Variants in ADGRA1 observed in about 807,000 individuals in gnomAD.
ADGRA1 encodes the protein G-protein coupled receptor 123.
Under a neutral mutation model 21.3 loss-of-function variants are expected in ADGRA1, and 12 were observed. That is an observed-to-expected ratio of 0.56 (90% CI 0.36 to 0.91). ADGRA1 has a LOEUF of 0.91. Among genes scored for constraint, ADGRA1 ranks in the 40% least tolerant of loss-of-function variants. The probability of loss-of-function intolerance (pLI) is 0.01; values close to 1 mark genes in which losing one functional copy is unlikely to be tolerated. For missense variants in ADGRA1, 790 were observed against 805.6 expected (o/e 0.98, Z 0.23); for synonymous variants, 385 against 368.8 (o/e 1.04, Z -0.50).
intron 2 of ADGRA1, chr10:133,093,262 A>C (rs781314130): frequency 1.9e-6 from 3 of 1,577,880 alleles, no homozygotes; most frequent in Non-Finnish European, 2.6e-6. Flanking sequence ...CAGAAAGGTT[A>C]AGTTTTGATC....
chr10:133,093,965 A>C (rs187091625), intron 2 of ADGRA1, among the ~76,000 whole-genome samples: 1 of 152,416 alleles, frequency 6.6e-6, no homozygotes, highest in Admixed American at 6.5e-5. Flanking sequence ...TTTGGAGACA[A>C]GAAAAAGAAA....
intron 5 of ADGRA1, among the ~76,000 whole-genome samples, chr10:133,113,373 C>T (rs979177138): frequency 3.0e-4 from 46 of 152,370 alleles, no homozygotes; most frequent in East Asian, 3.9e-4. Context: ...TCACCTGCCT[C>T]GCAGCCTCCC....
chr10:133,103,357 C>A (rs1471121833), intron 5 of ADGRA1, among the ~76,000 whole-genome samples: 1 of 152,216 alleles, frequency 6.6e-6, no homozygotes, highest in Non-Finnish European at 1.5e-5. Context: ...TGGAAAACCT[C>A]ACACACTCAG....
intron 2 of ADGRA1, among the ~76,000 whole-genome samples, chr10:133,091,135 T>C (rs1186614261): frequency 1.3e-5 from 2 of 152,234 alleles, no homozygotes; most frequent in Non-Finnish European, 2.9e-5. Context: ...CTTCGCACCC[T>C]GTAACTTGCA....
In ADGRA1 at chr10:133,130,733, A is replaced by C. The variant is rs113648316; in HGVS notation, c.*1222A>C. The C allele has an allele frequency of 6.7e-6, 1 of 149,682 alleles. No homozygotes were observed. Among genetic ancestry groups the C allele is most frequent in the African/African-American group, 2.5e-5 (1 of 40,396 alleles). The allele number at this position is 149,682 out of a possible 1,614,324, so 9.3% of individuals were successfully genotyped here. Reference sequence around the variant, plus strand: ...CATATCACACACGCGCACACACCCAAACACGTGCATATCACACACATGCAC... The same window carrying C: ...CATATCACACACGCGCACACACCCACACACGTGCATATCACACACATGCAC... On this transcript the variant is annotated 3_prime_UTR_variant, in exon 7 of 7. Coordinates refer to ENST00000392607, the MANE Select transcript of ADGRA1 (RefSeq NM_001083909.3).
intron 5 of ADGRA1, 51 bp from the exon 6 acceptor site, chr10:133,127,182 G>A (rs367825198): frequency 2.1e-5 from 26 of 1,244,096 alleles, no homozygotes; most frequent in Non-Finnish European, 2.7e-5. Context: ...CGCTGACCCC[G>A]GAGGATGCAG....
chr10:133,122,133 G>A (rs1170191628), intron 5 of ADGRA1, among the ~76,000 whole-genome samples: 1 of 152,260 alleles, frequency 6.6e-6, no homozygotes, highest in Non-Finnish European at 1.5e-5. Flanking sequence ...GCGCAGCATG[G>A]AGGCAGAGGC....
rs1449355058 is a variant in ADGRA1 at position 133,088,841 on chromosome 10, G to T, written c.-69G>T. On this transcript the variant is annotated 5_prime_UTR_variant, in exon 2 of 7. Coordinates refer to ENST00000392607, the MANE Select transcript of ADGRA1 (RefSeq NM_001083909.3). Reference sequence around the variant, plus strand: ...CATGGAGGCTGGCGGGGAGCAGGGCGCCACCTGATCGCCTCCCCCTGGACG... The same window carrying T: ...CATGGAGGCTGGCGGGGAGCAGGGCTCCACCTGATCGCCTCCCCCTGGACG... 5 of 1,236,176 alleles carry T rather than the reference G, an allele frequency of 4.0e-6. No homozygotes were observed. In the East Asian group the frequency reaches 9.5e-5, roughly 23 times the overall value. 76.6% of individuals were successfully genotyped at this position (1,236,176 alleles called of 1,614,324 possible). A position where few individuals can be genotyped will look rare whatever the true frequency, so the allele number is the denominator to read the frequency against.
rs1852488469 is a variant in ADGRA1, at chr10:133,130,158, C to G, written c.*647C>G. ...GCACACCTCTGCCCACTCAGTGTGCCCTGTCAGCCCTGTCCTTGTCGTAGC... is the reference window on the plus strand; with the variant it reads ...GCACACCTCTGCCCACTCAGTGTGCGCTGTCAGCCCTGTCCTTGTCGTAGC... On this transcript the variant is annotated 3_prime_UTR_variant, in exon 7 of 7. Transcript: ENST00000392607. 6.6e-6 allele frequency: 1 copy of G among 152,510 alleles called. No individual in the cohort carries two copies. Among genetic ancestry groups the G allele is most frequent in the Non-Finnish European group, 1.5e-5 (1 of 68,280 alleles). 9.4% of individuals were successfully genotyped at this position (152,510 alleles called of 1,614,324 possible).
intron 4 of ADGRA1, among the ~76,000 whole-genome samples, chr10:133,101,043 C>A (rs1851783818): frequency 6.6e-6 from 1 of 152,228 alleles, no homozygotes; most frequent in Admixed American, 6.5e-5. Context: ...TCTCATTGAT[C>A]TAACGCTGAG....
At chr10:133,121,649 A>C (rs540709849) in intron 5 of ADGRA1, among the ~76,000 whole-genome samples, 3 of 106,632 alleles carry the variant, frequency 2.8e-5, no homozygotes, top group East Asian at 3.2e-4. Flanking sequence ...GTGCGTGTGC[A>C]TGTGTGTGGT....
At chr10:133,105,513 G>A (rs1011032279) in intron 5 of ADGRA1, among the ~76,000 whole-genome samples, 3 of 152,254 alleles carry the variant, frequency 2.0e-5, no homozygotes, top group South Asian at 2.1e-4. Context: ...CACATGCAAC[G>A]GCCACCTCTG....
intron 5 of ADGRA1, among the ~76,000 whole-genome samples, chr10:133,126,923 C>T (rs942613796): frequency 3.3e-5 from 5 of 152,194 alleles, no homozygotes; most frequent in Non-Finnish European, 5.9e-5. Context: ...AGCAGTCCCG[C>T]CTGTAGCCAG....
chr10:133,110,095 C>T (rs537003070), intron 5 of ADGRA1, among the ~76,000 whole-genome samples: 32 of 152,352 alleles, frequency 2.1e-4, no homozygotes, highest in African/African-American at 5.0e-4. Flanking sequence ...ACAGGGCCAA[C>T]GAGGGAAAAG....
At position 133,112,266 on chromosome 10, in the gene ADGRA1, C is replaced by G. The variant is rs533648928; in HGVS notation, c.401+9424C>G. Among the ~76,000 whole-genome samples, 4 of 152,356 alleles carry G rather than the reference C, an allele frequency of 2.6e-5. No homozygotes were observed. In the East Asian group the frequency reaches 5.8e-4, roughly 22 times the overall value. Reference sequence around the variant, plus strand: ...CATCTTAATTTTGCAGTACGGCCACCCTTTCTGATCAAGTGCACCAAGCTG... The same window carrying G: ...CATCTTAATTTTGCAGTACGGCCACGCTTTCTGATCAAGTGCACCAAGCTG... On this transcript the variant is annotated intron_variant, in intron 5 of 6. Coordinates refer to ENST00000392607, the MANE Select transcript of ADGRA1 (RefSeq NM_001083909.3).
At chr10:133,110,047 G>A (rs1376102185) in intron 5 of ADGRA1, among the ~76,000 whole-genome samples, 1 of 152,262 alleles carries the variant, frequency 6.6e-6, no homozygotes, top group East Asian at 1.9e-4. Flanking sequence ...CAGCGGCGGC[G>A]TTCCTGGGTG....
chr10:133,092,295 C>A (rs1851607973), intron 2 of ADGRA1, among the ~76,000 whole-genome samples: 1 of 152,194 alleles, frequency 6.6e-6, no homozygotes, highest in Non-Finnish European at 1.5e-5. Flanking sequence ...TCCTTCATCT[C>A]ACAGATGGAG....
At chr10:133,111,027 G>C (rs1460998174) in intron 5 of ADGRA1, among the ~76,000 whole-genome samples, 4 of 152,048 alleles carry the variant, frequency 2.6e-5, no homozygotes, top group East Asian at 1.9e-4. Flanking sequence ...GTTCTGGGTA[G>C]GCTGGGCCAC....
chr10:133,093,167 C>A (rs756842696), intron 2 of ADGRA1: 18 of 1,595,980 alleles, frequency 1.1e-5, no homozygotes, highest in Non-Finnish European at 1.4e-5. Flanking sequence ...TGGCCCCGGA[C>A]ACCTCACCCG....
Sources: gnomAD v4.1 joint callset for allele counts (sites outside exome capture counted in the v4.1 genomes callset) on GRCh38, gnomAD v4.1.1 for gene constraint, MANE v1.5 for transcripts, NCBI Gene and HGNC (gene_info 2026-07-23, HGNC 2026-07-21) for gene names.